Variants in ADGRL3 observed in about 807,000 individuals in gnomAD.
ADGRL3 encodes adhesion G protein-coupled receptor L3, also known as calcium-independent alpha-latrotoxin receptor 3.
Under a neutral mutation model 153.5 loss-of-function variants are expected in ADGRL3, and 62 were observed. The observed-to-expected ratio is 0.40, with a 90% CI of 0.33 to 0.50. The LOEUF (loss-of-function observed/expected upper bound fraction) is 0.50. Ranked by LOEUF, ADGRL3 falls within the 20% of genes least tolerant of loss-of-function variation. The pLI, the probability that ADGRL3 is intolerant of heterozygous loss-of-function variation, is 0.47. For missense variants in ADGRL3, 1,641 were observed against 1,859.4 expected, an observed-to-expected ratio of 0.88 and a Z score of 2.16; for synonymous variants, 710 against 672.5, an observed-to-expected ratio of 1.06 and a Z score of -0.86.
Position 62,075,365 on chromosome 4 carries a change from G to A in ADGRL3, c.*4457G>A, listed in dbSNP as rs992256626. 1 of 152,016 alleles carries A rather than the reference G, an allele frequency of 6.6e-6. No individual in the cohort carries two copies. Among genetic ancestry groups the A allele is most frequent in the Non-Finnish European group, 1.5e-5 (1 of 68,004 alleles). The allele number at this position is 152,016 out of a possible 1,614,324, so 9.4% of individuals were successfully genotyped here. On this transcript the variant is annotated 3_prime_UTR_variant, in exon 27 of 27. Transcript: ENST00000683033. ...AGCACTTGGCCTGTGATGTATTGCA[G>A]AGGGAAAAAAACCAACACTACAGAA...
chr4:61,950,334 A>G (rs1263205567), intron 17 of ADGRL3, among the ~76,000 whole-genome samples: 2 of 152,150 alleles, frequency 1.3e-5, no homozygotes, highest in African/African-American at 4.8e-5. Context: ...GGAAAATTGA[A>G]TAAGTATAAT....
intron 5 of ADGRL3, among the ~76,000 whole-genome samples, chr4:61,607,389 G>A (rs541868349): frequency 6.6e-6 from 1 of 152,252 alleles, no homozygotes; most frequent in African/African-American, 2.4e-5. Flanking sequence ...ACGAGGTCAG[G>A]AGTTCAAGAC....
At chr4:61,219,754 A>T (rs1744521886) in intron 1 of ADGRL3, among the ~76,000 whole-genome samples, 1 of 152,086 alleles carries the variant, frequency 6.6e-6, no homozygotes, top group Non-Finnish European at 1.5e-5. Context: ...CTCTTATGGC[A>T]TTTCTGACAT....
chr4:61,486,437 A>T (rs2098194917), intron 2 of ADGRL3, among the ~76,000 whole-genome samples: 1 of 152,202 alleles, frequency 6.6e-6, no homozygotes, highest in African/African-American at 2.4e-5. Flanking sequence ...GATTTTATTT[A>T]TACAGTTGCC....
At chr4:61,588,971 C>CT (rs1410512411) in intron 5 of ADGRL3, among the ~76,000 whole-genome samples, 9 of 152,016 alleles carry the variant, frequency 5.9e-5, no homozygotes, top group Non-Finnish European at 1.3e-4. Flanking sequence ...AGCATTAGCT[C>CT]TTTCATCTGT....
At chr4:61,574,169 CCTAAA>C (rs1418173170) in intron 4 of ADGRL3, among the ~76,000 whole-genome samples, 2 of 151,820 alleles carry the variant, frequency 1.3e-5, no homozygotes. Context: ...CTCCATCAGA[CCTAAA>C]CTAAACCATC....
At chr4:61,428,170 A>C (rs1456609806) in intron 2 of ADGRL3, 1 of 152,774 alleles carries the variant, frequency 6.5e-6, no homozygotes, top group Non-Finnish European at 1.5e-5. Flanking sequence ...CAGGTAGTTG[A>C]AACAACACTC....
At chr4:61,582,656 G>T (rs1192008454) in intron 4 of ADGRL3, among the ~76,000 whole-genome samples, 3 of 151,522 alleles carry the variant, frequency 2.0e-5, no homozygotes, top group African/African-American at 4.9e-5. Flanking sequence ...AAAAAAAACA[G>T]ATTTGACTAG....
At chr4:61,714,475 T>G (rs2096068031) in intron 6 of ADGRL3, among the ~76,000 whole-genome samples, 1 of 152,184 alleles carries the variant, frequency 6.6e-6, no homozygotes, top group South Asian at 2.1e-4. Flanking sequence ...GAACTATTTG[T>G]GGGCACGCAG....
intron 2 of ADGRL3, among the ~76,000 whole-genome samples, chr4:61,449,528 A>T (rs2097649219): frequency 6.6e-6 from 1 of 152,080 alleles, no homozygotes; most frequent in East Asian, 1.9e-4. Context: ...AAAAGTACTA[A>T]TTGTGTCTAC....
rs543841047 is a variant in ADGRL3 at position 61,560,837 on chromosome 4, T to A, written c.260-26390T>A. On this transcript the variant is annotated intron_variant, in intron 4 of 26. Coordinates refer to ENST00000683033, the MANE Select transcript of ADGRL3 (RefSeq NM_001387552.1). ...GTGGGAAAGAGATAAACCTATCAGTTCTCCAATCATAGATTTGTTTTCATT... is the reference window on the plus strand; with the variant it reads ...GTGGGAAAGAGATAAACCTATCAGTACTCCAATCATAGATTTGTTTTCATT... Among the ~76,000 whole-genome samples the A allele has an allele frequency of 2.0e-3, 305 of 152,238 alleles. 1 individual carries two copies. Among genetic ancestry groups the A allele is most frequent in the Non-Finnish European group, 3.3e-3 (222 of 67,984 alleles).
chr4:61,846,913 G>A (rs894547909), intron 9 of ADGRL3, among the ~76,000 whole-genome samples: 24 of 148,692 alleles, frequency 1.6e-4, no homozygotes, highest in Non-Finnish European at 3.0e-5. Flanking sequence ...TCATCACAAC[G>A]ACAGCACCAA....
At chr4:61,785,953 G>A (rs2097271261) in intron 8 of ADGRL3, among the ~76,000 whole-genome samples, 1 of 152,164 alleles carries the variant, frequency 6.6e-6, no homozygotes, top group Non-Finnish European at 1.5e-5. Flanking sequence ...CAGAGAGGTT[G>A]CAGTGAGCCA....
intron 17 of ADGRL3, among the ~76,000 whole-genome samples, chr4:61,948,806 G>C (rs2098935845): frequency 6.6e-6 from 1 of 152,148 alleles, no homozygotes; most frequent in African/African-American, 2.4e-5. Context: ...CCAGATGATA[G>C]GTAGTTTCCA....
intron 21 of ADGRL3, among the ~76,000 whole-genome samples, chr4:61,999,709 A>G (rs1337810090): frequency 6.6e-6 from 1 of 152,158 alleles, no homozygotes; most frequent in Non-Finnish European, 1.5e-5. Flanking sequence ...TAGACCCTCA[A>G]TGAATGGTTA....
At chr4:61,598,474 G>C (rs1465171872) in intron 5 of ADGRL3, among the ~76,000 whole-genome samples, 4 of 152,138 alleles carry the variant, frequency 2.6e-5, no homozygotes, top group Non-Finnish European at 4.4e-5. Context: ...ACAAAAAGAA[G>C]CTACAACATA....
intron 5 of ADGRL3, among the ~76,000 whole-genome samples, chr4:61,672,272 A>C (rs1274092471): frequency 6.6e-6 from 1 of 152,092 alleles, no homozygotes; most frequent in Non-Finnish European, 1.5e-5. Flanking sequence ...CTTCATGTAG[A>C]TATCCAGTTT....
chr4:61,915,073 T>C (rs1355237681), intron 13 of ADGRL3, among the ~76,000 whole-genome samples: 1 of 151,904 alleles, frequency 6.6e-6, no homozygotes, highest in Non-Finnish European at 1.5e-5. Flanking sequence ...TTTGTGAAAA[T>C]ATTATTTAAA....
At chr4:61,543,144 C>T (rs2098698337) in intron 4 of ADGRL3, among the ~76,000 whole-genome samples, 1 of 148,224 alleles carries the variant, frequency 6.7e-6, no homozygotes, top group Admixed American at 6.7e-5. Flanking sequence ...TCCCCCCCAC[C>T]CCCCCACCTC....
Sources: allele counts gnomAD v4.1 joint callset (sites outside exome capture counted in the v4.1 genomes callset), GRCh38; gene constraint gnomAD v4.1.1; transcripts MANE v1.5; gene names NCBI Gene and HGNC (gene_info 2026-07-23, HGNC 2026-07-21).